SPAST: variants seen among roughly 807,000 people sequenced by gnomAD.
The protein encoded by SPAST is spastin, also known as spastic paraplegia 4 (autosomal dominant; spastin).
A neutral mutation model predicts 76.6 loss-of-function variants in SPAST; 30 were observed. That is an observed-to-expected ratio of 0.39 (90% CI 0.29 to 0.53). The LOEUF is 0.53. Among genes scored for constraint, SPAST ranks in the 20% least tolerant of loss-of-function variants. SPAST has a pLI of 0.68. For synonymous variants in SPAST, 305 were observed against 281.0 expected (o/e 1.09, Z -0.86); for missense variants, 717 against 770.5 (o/e 0.93, Z 0.82).
intron 15 of SPAST, 73 bp downstream of exon 15, chr2:32,145,080 A>C (rs1679844076): frequency 1.7e-6 from 2 of 1,151,190 alleles, no homozygotes; most frequent in African/African-American, 1.5e-5. Context: ...AGTCCAAAAA[A>C]ATCTACCAAG....
At position 32,063,897 on chromosome 2, in the gene SPAST, C is replaced by A; in HGVS notation, c.66C>A (p.Pro22=). 6.3e-7 allele frequency: 1 copy of A among 1,581,686 alleles called. No homozygotes were observed. The highest frequency in any genetic ancestry group is 8.6e-7 in the Non-Finnish European group (1 of 1,165,898). ...GCGGCGCCAGCAACCCGGTGCCTCC[C>A]AGGCCTCCGCCCCCTTGCCTGGCCC... The part of the protein sequence containing the change: ...GSGGASNPVP[P]RPPPPCLAPA... Residue 22 remains proline (P), a synonymous_variant, in exon 1 of 17, where the codon CCC becomes CCA. Transcript: ENST00000315285.
intron 4 of SPAST, among the ~76,000 whole-genome samples, chr2:32,113,210 C>CGGGT (rs976554313): frequency 4.0e-5 from 6 of 151,632 alleles, no homozygotes; most frequent in African/African-American, 1.5e-4. Flanking sequence ...TCACTGCAAT[C>CGGGT]GGGTAGCTGG....
rs1156801351 is a variant in SPAST, at chr2:32,064,108, T to G, written c.277T>G (p.Ser93Ala). 4.4e-6 allele frequency: 7 copies of G among 1,602,500 alleles called. No individual in the cohort carries two copies. The African/African-American group carries it at 5.4e-5, about 12-fold the overall frequency. Reference protein sequence around the residue: ...SRALMAAKRSSGAAPAPASAS... With the variant: ...SRALMAAKRSAGAAPAPASAS... ...CGCCCTCATGGCAGCCAAGAGGAGCTCCGGGGCCGCGCCAGCACCTGCCTC... is the reference window on the plus strand; with the variant it reads ...CGCCCTCATGGCAGCCAAGAGGAGCGCCGGGGCCGCGCCAGCACCTGCCTC... The change falls in exon 1 of 17, where the codon TCC becomes GCC. Residue 93 changes from serine to alanine, a missense_variant. By Grantham distance (99) the Ser-to-Ala change is moderately conservative. This residue lies in a region of SPAST where 543 missense variants were observed against 445.2 expected (regional missense o/e 1.22). Transcript: ENST00000315285.
intron 16 of SPAST, 85 bp downstream of exon 16, chr2:32,147,343 T>A: frequency 2.1e-6 from 1 of 483,802 alleles, no homozygotes; most frequent in Non-Finnish European, 3.3e-6. Context: ...TGTGTGTGTG[T>A]GGTTTTTTTT....
intron 1 of SPAST, among the ~76,000 whole-genome samples, chr2:32,067,587 T>C (rs956233506): frequency 6.6e-6 from 1 of 152,072 alleles, no homozygotes; most frequent in Non-Finnish European, 1.5e-5. Flanking sequence ...ATATCTATTA[T>C]ACTTAAATCC....
chr2:32,069,346 A>T (rs1223701459), intron 1 of SPAST, among the ~76,000 whole-genome samples: 2 of 152,032 alleles, frequency 1.3e-5, no homozygotes, highest in Non-Finnish European at 2.9e-5. Flanking sequence ...GCACTTTTGA[A>T]GTCTGCCTCT....
At chr2:32,113,980 T>C (rs1678725030) in intron 4 of SPAST, among the ~76,000 whole-genome samples, 1 of 151,472 alleles carries the variant, frequency 6.6e-6, no homozygotes, top group Non-Finnish European at 1.5e-5. Context: ...AATCTCTCTC[T>C]GTCGCCAGGC....
intron 15 of SPAST, among the ~76,000 whole-genome samples, chr2:32,146,395 C>CA (rs1336433443): frequency 6.6e-6 from 1 of 151,260 alleles, no homozygotes; most frequent in Non-Finnish European, 1.5e-5. Context: ...CCTGTCTCTA[C>CA]AAAAAAATAT....
rs764275621 is a variant in SPAST, at chr2:32,115,690, G to T, written c.871-12G>T. 6 of 1,584,768 alleles carry T rather than the reference G, an allele frequency of 3.8e-6. No individual in the cohort carries two copies. The highest frequency in any genetic ancestry group is 3.3e-4 in the Middle Eastern group (2 of 6,028). ...GGTTGTATTTTCATATTAAAATTTT[G>T]TATCCTTTAAGGGTACTCCGAAAAC... On this transcript the variant is annotated splice_polypyrimidine_tract_variant and intron_variant, in intron 5 of 16. Coordinates refer to ENST00000315285, the MANE Select transcript of SPAST (RefSeq NM_014946.4).
At chr2:32,089,918 C>G (rs573314253) in intron 3 of SPAST, among the ~76,000 whole-genome samples, 22 of 152,244 alleles carry the variant, frequency 1.4e-4, no homozygotes, top group African/African-American at 5.1e-4. Context: ...CACCCGCCAC[C>G]ACGCCCCGCT....
chr2:32,136,787 A>T (rs546940023), intron 10 of SPAST, 90 bp from the exon 11 acceptor site: 1 of 1,221,292 alleles, frequency 8.2e-7, no homozygotes, highest in Non-Finnish European at 1.2e-6. Context: ...AGTAGGACCC[A>T]CTATATTAAT....
At chr2:32,082,816 G>T (rs1216990628) in intron 1 of SPAST, among the ~76,000 whole-genome samples, 1 of 152,036 alleles carries the variant, frequency 6.6e-6, no homozygotes, top group Non-Finnish European at 1.5e-5. Context: ...TAATATTTTT[G>T]AGATTTATCC....
intron 1 of SPAST, among the ~76,000 whole-genome samples, chr2:32,075,547 CTTTTT>C (rs773998404): frequency 1.6e-4 from 14 of 85,518 alleles, no homozygotes; most frequent in African/African-American, 6.1e-4. Flanking sequence ...TGGCTTTTTT[CTTTTT>C]TTTTTTTTTT....
chr2:32,089,652 G>A (rs780094552), intron 3 of SPAST, 47 bp downstream of exon 3: 1 of 983,004 alleles, frequency 1.0e-6, no homozygotes, highest in African/African-American at 1.6e-5. Context: ...GGAAATGTGT[G>A]TTCAATGAAA....
intron 9 of SPAST, among the ~76,000 whole-genome samples, chr2:32,133,361 G>T (rs1382200490): frequency 1.3e-5 from 2 of 152,148 alleles, no homozygotes; most frequent in African/African-American, 4.8e-5. Context: ...GAAATAAATT[G>T]TTACCTGTGG....
intron 12 of SPAST, 58 bp from the exon 13 acceptor site, chr2:32,141,846 C>G (rs1573164829): frequency 7.5e-7 from 1 of 1,333,502 alleles, no homozygotes; most frequent in East Asian, 2.3e-5. Context: ...CTGTCATTTG[C>G]TGTTTCAGCT....
At chr2:32,129,224 A>G (rs1679290858) in intron 9 of SPAST, 1 of 151,570 alleles carries the variant, frequency 6.6e-6, no homozygotes, top group South Asian at 2.1e-4. Context: ...CTGATCTAAA[A>G]TATGACAGAA....
intron 1 of SPAST, 29 bp from the exon 2 acceptor site, chr2:32,087,463 A>G (rs769886590): frequency 3.7e-6 from 5 of 1,368,586 alleles, no homozygotes; most frequent in Non-Finnish European, 5.2e-6. Context: ...TCTTCATACG[A>G]TCTATACAAA....
rs184461886 is a variant in SPAST, at chr2:32,081,645, G to A, written c.416-5847G>A. 1.1e-3 allele frequency among the ~76,000 whole-genome samples: 172 copies of A among 151,782 alleles called. 1 individual carries two copies. In the East Asian group the frequency reaches 0.029, roughly 25 times the overall value. ...CTAAAAATACAAAACTTAGCTGGGC[G>A]TGGTAGCGTGTGCCTGTAGTCCCAG... On this transcript the variant is annotated intron_variant, in intron 1 of 16. Coordinates refer to ENST00000315285, the MANE Select transcript of SPAST (RefSeq NM_014946.4).
Sources: gnomAD v4.1 joint callset for allele counts (sites outside exome capture counted in the v4.1 genomes callset) on GRCh38, gnomAD v4.1.1 for gene constraint, gnomAD v4.1.1 regional missense constraint, MANE v1.5 for transcripts, NCBI Gene and HGNC (gene_info 2026-07-23, HGNC 2026-07-21) for gene names.